Variants in SPATA16 observed in about 807,000 individuals in gnomAD.
The protein encoded by SPATA16 is spermatogenesis associated 16.
In SPATA16, 36 loss-of-function variants were observed where a neutral mutation model predicts 63.3. The ratio of observed to expected loss-of-function variants is 0.57; its 90% CI spans 0.44 to 0.75. SPATA16 has a LOEUF of 0.75. Ranked by LOEUF, SPATA16 falls within the 30% of genes least tolerant of loss-of-function variation. SPATA16 has a pLI of 0.00. For synonymous variants in SPATA16, 203 were observed against 216.7 expected (o/e 0.94, Z 0.56); for missense variants, 646 against 679.3 (o/e 0.95, Z 0.54).
At chr3:172,910,982 G>T (rs1732360139) in intron 10 of SPATA16, among the ~76,000 whole-genome samples, 1 of 152,268 alleles carries the variant, frequency 6.6e-6, no homozygotes, top group South Asian at 2.1e-4. Flanking sequence ...TTTATACTCA[G>T]CTCTGTGATA....
intron 4 of SPATA16, among the ~76,000 whole-genome samples, chr3:173,001,278 T>TTGTTTTTTTTTG (rs1201983441): frequency 5.9e-5 from 9 of 151,682 alleles, no homozygotes; most frequent in Non-Finnish European, 1.0e-4. Context: ...GTTTTTTTTT[T>TTGTTTTTTTTTG]TTTGTTTTCA....
chr3:173,092,048 C>T (rs1737237988), intron 2 of SPATA16, among the ~76,000 whole-genome samples: 1 of 152,150 alleles, frequency 6.6e-6, no homozygotes, highest in Non-Finnish European at 1.5e-5. Flanking sequence ...CTCTCCTGCA[C>T]AATCCTTGTT....
At chr3:173,134,581 G>A (rs1400632136) in intron 1 of SPATA16, among the ~76,000 whole-genome samples, 1 of 151,874 alleles carries the variant, frequency 6.6e-6, no homozygotes, top group Non-Finnish European at 1.5e-5. Flanking sequence ...TTGCTTCTTT[G>A]CCACGTGGTA....
At chr3:173,097,040 T>G (rs1737375693) in intron 2 of SPATA16, among the ~76,000 whole-genome samples, 1 of 152,122 alleles carries the variant, frequency 6.6e-6, no homozygotes, top group Non-Finnish European at 1.5e-5. Context: ...TCCAAAAATA[T>G]TAAGTGGAAA....
chr3:172,952,328 A>G (rs141374635), intron 6 of SPATA16, among the ~76,000 whole-genome samples: 1 of 152,218 alleles, frequency 6.6e-6, no homozygotes. Flanking sequence ...GATTTAACAA[A>G]GAAGCTCCAA....
At chr3:173,037,274 C>T (rs778542230) in intron 3 of SPATA16, among the ~76,000 whole-genome samples, 1 of 151,886 alleles carries the variant, frequency 6.6e-6, no homozygotes, top group Non-Finnish European at 1.5e-5. Flanking sequence ...TGTGACTTCT[C>T]GATGTTATTT....
intron 4 of SPATA16, among the ~76,000 whole-genome samples, chr3:173,002,168 T>C (rs1326710402): frequency 6.6e-6 from 1 of 152,198 alleles, no homozygotes; most frequent in Non-Finnish European, 1.5e-5. Flanking sequence ...TGGGAGTTTT[T>C]TATGCTTGGT....
intron 7 of SPATA16, among the ~76,000 whole-genome samples, chr3:172,924,714 A>C (rs1262976745): frequency 1.3e-5 from 2 of 152,210 alleles, no homozygotes; most frequent in Non-Finnish European, 2.9e-5. Flanking sequence ...TGTAGCTCAA[A>C]GTTCAGATAA....
intron 8 of SPATA16, among the ~76,000 whole-genome samples, chr3:172,923,662 C>CT (rs1732663783): frequency 6.6e-6 from 1 of 152,062 alleles, no homozygotes; most frequent in Non-Finnish European, 1.5e-5. Flanking sequence ...ATTTTGGGCT[C>CT]TTTAAGACTG....
chr3:172,944,171 A>G (rs979205959), intron 6 of SPATA16, among the ~76,000 whole-genome samples: 2 of 152,218 alleles, frequency 1.3e-5, no homozygotes, highest in East Asian at 3.8e-4. Flanking sequence ...AACAGCAACA[A>G]AAAACAACTC....
intron 8 of SPATA16, among the ~76,000 whole-genome samples, chr3:172,923,978 G>A (rs1243048857): frequency 6.6e-6 from 1 of 152,182 alleles, no homozygotes; most frequent in African/African-American, 2.4e-5. Flanking sequence ...TCTTTAAAGA[G>A]ACACTATCCT....
At chr3:172,926,914 G>A (rs891846977) in intron 6 of SPATA16, among the ~76,000 whole-genome samples, 2 of 152,142 alleles carry the variant, frequency 1.3e-5, no homozygotes, top group African/African-American at 4.8e-5. Flanking sequence ...CCAGAAAGGG[G>A]GAAAGGCAAA....
At chr3:173,051,490 C>T (rs1027542530) in intron 2 of SPATA16, among the ~76,000 whole-genome samples, 4 of 152,142 alleles carry the variant, frequency 2.6e-5, no homozygotes, top group East Asian at 1.9e-4. Context: ...CGTGAGCCAC[C>T]GTGCCCAGCC....
At chr3:172,931,082 C>A (rs1046471540) in intron 6 of SPATA16, among the ~76,000 whole-genome samples, 2 of 152,138 alleles carry the variant, frequency 1.3e-5, no homozygotes, top group African/African-American at 2.4e-5. Flanking sequence ...CCTGGGCCTC[C>A]CAAAGTGCTG....
chr3:173,120,195 G>C (rs1302862602), intron 1 of SPATA16, among the ~76,000 whole-genome samples: 1 of 152,046 alleles, frequency 6.6e-6, no homozygotes, highest in Non-Finnish European at 1.5e-5. Flanking sequence ...TGGGGAAACT[G>C]TCTTGGCCAT....
intron 2 of SPATA16, among the ~76,000 whole-genome samples, chr3:173,058,590 AT>A (rs1736305243): frequency 1.3e-5 from 2 of 152,078 alleles, no homozygotes; most frequent in African/African-American, 4.8e-5. Context: ...GTTTTACTGT[AT>A]TTGTTCTTTG....
At chr3:173,006,845 GAAAA>G (rs1249755908) in intron 4 of SPATA16, among the ~76,000 whole-genome samples, 1 of 145,540 alleles carries the variant, frequency 6.9e-6, no homozygotes, top group African/African-American at 2.5e-5. Context: ...TGTAAGCCAA[GAAAA>G]AAAAAAGAAA....
At chr3:172,961,102 C>T (rs1245667232) in intron 5 of SPATA16, among the ~76,000 whole-genome samples, 2 of 137,688 alleles carry the variant, frequency 1.5e-5, no homozygotes, top group African/African-American at 3.1e-5. Flanking sequence ...TCCTTCCTTC[C>T]TTCCTTCCTT....
intron 5 of SPATA16, among the ~76,000 whole-genome samples, chr3:172,973,922 G>A (rs1734098969): frequency 6.6e-6 from 1 of 152,162 alleles, no homozygotes. Flanking sequence ...GTACAGTCAT[G>A]ACAAGTTATT....
Sources: gnomAD v4.1 joint callset for allele counts (sites outside exome capture counted in the v4.1 genomes callset) on GRCh38, gnomAD v4.1.1 for gene constraint, MANE v1.5 for transcripts, NCBI Gene and HGNC (gene_info 2026-07-23, HGNC 2026-07-21) for gene names.